The following P2RX3 variants were observed in gnomAD, a reference collection of about 807,000 sequenced individuals.
P2RX3 encodes purinergic receptor P2X 3, also known as P2X purinoceptor 3.
In P2RX3, 41 loss-of-function variants were observed where a neutral mutation model predicts 51.5. The ratio of observed to expected loss-of-function variants is 0.80; its 90% CI spans 0.62 to 1.03. The LOEUF is 1.03. P2RX3 is among the 50% of genes least tolerant of loss of function. The pLI, the probability that P2RX3 is intolerant of heterozygous loss-of-function variation, is 0.00. For synonymous variants in P2RX3, 185 were observed against 191.6 expected, an observed-to-expected ratio of 0.97 and a Z score of 0.29; for missense variants, 459 against 522.1, an observed-to-expected ratio of 0.88 and a Z score of 1.18.
At chr11:57,337,332 G>GAAAA (rs1856247543), upstream of P2RX3, among the ~76,000 whole-genome samples, 1 of 77,820 alleles carries the variant, frequency 1.3e-5, no homozygotes, top group Non-Finnish European at 2.6e-5. Flanking sequence ...AAAAAAAAAA[G>GAAAA]GAAGGGAAGG....
rs781155324 is a variant in P2RX3, at chr11:57,346,598, C to T, written c.174C>T (p.Ser58=). The T allele has an allele frequency of 4.3e-6, 7 of 1,614,052 alleles. No homozygotes were observed. The highest frequency in any genetic ancestry group is 1.7e-6 in the Non-Finnish European group (2 of 1,180,046). Residue 58 remains serine (S), a synonymous_variant, in exon 2 of 12, where the codon TCC becomes TCT. Transcript: ENST00000263314. Reference sequence around the variant, plus strand: ...AGGTACGGGACACAGCCATTGAGTCCTCGGTGGTAACCAAGGTGAAGGGCT... The same window carrying T: ...AGGTACGGGACACAGCCATTGAGTCTTCGGTGGTAACCAAGGTGAAGGGCT... The part of the protein sequence containing the change: ...AYQVRDTAIE[S]SVVTKVKGSG...
chr11:57,337,861 A>T (rs544663575), upstream of P2RX3, among the ~76,000 whole-genome samples: 3 of 152,342 alleles, frequency 2.0e-5, no homozygotes, highest in East Asian at 5.8e-4. Flanking sequence ...CAAAACAAAA[A>T]AGACGTGCTA....
At chr11:57,348,478 C>T (rs528272573) in intron 5 of P2RX3, 149 bp from the exon 6 acceptor site, 3 of 719,774 alleles carry the variant, frequency 4.2e-6, no homozygotes, top group African/African-American at 3.6e-5. Context: ...GCACAGACAG[C>T]CCCTTCCTAT....
Position 57,346,450 on chromosome 11 carries a change from G to A in P2RX3, c.120-94G>A, listed in dbSNP as rs1024812298. ...CCATCCGCACACCCTGCCAGGCATG[G>A]CCAAGTGTTGGCAGGAAGGTGACCT... On this transcript the variant is annotated intron_variant, in intron 1 of 11. Transcript: ENST00000263314. 1.4e-5 allele frequency: 21 copies of A among 1,495,256 alleles called. No homozygotes were observed. In the African/African-American group the frequency reaches 2.6e-4, roughly 19 times the overall value. The allele number at this position is 1,495,256 out of a possible 1,614,324, so 92.6% of individuals were successfully genotyped here. A position where few individuals can be genotyped will look rare whatever the true frequency, so the allele number is the denominator to read the frequency against.
chr11:57,362,003 G>A (rs1590638366), intron 8 of P2RX3, among the ~76,000 whole-genome samples: 1 of 152,172 alleles, frequency 6.6e-6, no homozygotes, highest in Non-Finnish European at 1.5e-5. Flanking sequence ...TCCCTCTCAT[G>A]ACAGCAGAGC....
intron 10 of P2RX3, 130 bp from the exon 11 acceptor site, chr11:57,369,230 TG>T (rs1259220451): frequency 5.4e-6 from 4 of 738,804 alleles, no homozygotes; most frequent in Non-Finnish European, 4.6e-6. Context: ...AAAAGTTTGT[TG>T]CAAGGGTGAA....
In P2RX3 at chr11:57,367,491, C is replaced by T. The variant is rs1011161427; in HGVS notation, c.843-518C>T. 3.9e-5 allele frequency among the ~76,000 whole-genome samples: 6 copies of T among 152,196 alleles called. No individual in the cohort carries two copies. In the East Asian group the frequency reaches 9.7e-4, roughly 25 times the overall value. On this transcript the variant is annotated intron_variant, in intron 8 of 11. Coordinates refer to ENST00000263314, the MANE Select transcript of P2RX3 (RefSeq NM_002559.5). ...ATCCCAGCACTTTTGGAGGCCGAGG[C>T]GGGTGGATCACTTGAGGTCAGGAGT...
chr11:57,355,031 CAT>C (rs537942839), intron 8 of P2RX3, among the ~76,000 whole-genome samples: 21 of 152,200 alleles, frequency 1.4e-4, no homozygotes, highest in Admixed American at 3.3e-4. Context: ...GACAGCCTGA[CAT>C]GTGGCTGTGA....
chr11:57,342,032 C>T (rs147807169), intron 1 of P2RX3, among the ~76,000 whole-genome samples: 8 of 152,138 alleles, frequency 5.3e-5, no homozygotes, highest in Admixed American at 4.6e-4. Context: ...CTTCTTGGCT[C>T]TCCACTCCAT....
At chr11:57,337,282 A>G (rs1483499719), upstream of P2RX3, among the ~76,000 whole-genome samples, 1 of 131,646 alleles carries the variant, frequency 7.6e-6, no homozygotes, top group Non-Finnish European at 1.6e-5. Context: ...ACAGAGCGAG[A>G]CTCTGTCAAA....
upstream of P2RX3, among the ~76,000 whole-genome samples, chr11:57,337,416 G>A (rs1270584946): frequency 3.6e-5 from 5 of 139,794 alleles, no homozygotes; most frequent in African/African-American, 1.3e-4. Flanking sequence ...TCTAACAAAT[G>A]ACTTTAATAA....
At chr11:57,336,666 T>C (rs952369970), upstream of P2RX3, among the ~76,000 whole-genome samples, 4 of 152,208 alleles carry the variant, frequency 2.6e-5, no homozygotes, top group African/African-American at 7.2e-5. Flanking sequence ...CCAGACCTCC[T>C]TAACACCACC....
At chr11:57,351,166 T>C (rs547829245) in intron 8 of P2RX3, among the ~76,000 whole-genome samples, 1 of 152,182 alleles carries the variant, frequency 6.6e-6, no homozygotes, top group African/African-American at 2.4e-5. Flanking sequence ...CAAGGTCTCT[T>C]GAAATGCTAG....
At chr11:57,357,794 CAA>C (rs1430807163) in intron 8 of P2RX3, among the ~76,000 whole-genome samples, 2 of 152,084 alleles carry the variant, frequency 1.3e-5, no homozygotes, top group East Asian at 1.9e-4. Context: ...CACCCTGAAG[CAA>C]AGAGTCTGCC....
intron 1 of P2RX3, among the ~76,000 whole-genome samples, chr11:57,341,436 AC>A (rs1199173060): frequency 6.6e-6 from 1 of 151,460 alleles, no homozygotes; most frequent in African/African-American, 2.4e-5. Flanking sequence ...ATACGCTCTC[AC>A]CCCCGCCCCT....
chr11:57,353,282 T>A (rs79132737), intron 8 of P2RX3, among the ~76,000 whole-genome samples: 2,834 of 152,324 alleles, frequency 0.019, 38 homozygotes, highest in Middle Eastern at 0.034. Context: ...AGTCACCCTG[T>A]GTGCAAAACG....
intron 8 of P2RX3, among the ~76,000 whole-genome samples, chr11:57,353,837 T>TCCC (rs3837409): frequency 1.1e-3 from 127 of 120,920 alleles, no homozygotes; most frequent in African/African-American, 2.0e-3. Context: ...CAAATGTCAC[T>TCCC]CCCCCCCCCC....
At position 57,348,263 on chromosome 11, in the gene P2RX3, C is replaced by T. The variant is rs764311484; in HGVS notation, c.485C>T (p.Thr162Met). ...WCPTEVDTVE[T>M]PIMMEAENFT... ...CCCACGGAGGTGGACACAGTGGAAA[C>T]GTAAGGCTCCAAGCCAGACAGGAGG... Residue 162 changes from threonine (T) to methionine (M), a missense_variant and splice_region_variant, in exon 5 of 12, where the codon ACG becomes ATG. Coordinates refer to ENST00000263314, the MANE Select transcript of P2RX3 (RefSeq NM_002559.5). 5.0e-6 allele frequency: 8 copies of T among 1,598,472 alleles called. No homozygotes were observed. Among genetic ancestry groups the T allele is most frequent in the South Asian group, 1.1e-5 (1 of 87,996 alleles).
rs184271938 is a variant in P2RX3, at chr11:57,370,845, G to A, written c.*848G>A. Among the ~76,000 whole-genome samples, 7 of 152,300 alleles carry A rather than the reference G, an allele frequency of 4.6e-5. No individual in the cohort carries two copies. The highest frequency in any genetic ancestry group is 4.1e-4 in the South Asian group (2 of 4,824). ...CCCTCACTCTGGGGATTTGATTCCCGGACCTGGGATCCTGTCGTAGGCTGG... is the reference window on the plus strand; with the variant it reads ...CCCTCACTCTGGGGATTTGATTCCCAGACCTGGGATCCTGTCGTAGGCTGG... On this transcript the variant is annotated 3_prime_UTR_variant, in exon 12 of 12. Transcript: ENST00000263314.
Sources: gnomAD v4.1 joint callset for allele counts (sites outside exome capture counted in the v4.1 genomes callset) on GRCh38, gnomAD v4.1.1 for gene constraint, MANE v1.5 for transcripts, NCBI Gene and HGNC (gene_info 2026-07-23, HGNC 2026-07-21) for gene names.